Variants in ADAP2 observed in about 807,000 individuals in gnomAD.
The protein encoded by ADAP2 is ArfGAP with dual PH domains 2.
ADAP2 carries 42 observed loss-of-function variants against 54.9 expected under a neutral mutation model. The ratio of observed to expected loss-of-function variants is 0.77; its 90% CI spans 0.60 to 0.99. The LOEUF is 0.99. Among genes scored for constraint, ADAP2 ranks in the 50% least tolerant of loss-of-function variants. ADAP2 has a pLI of 0.00. For missense variants in ADAP2, 429 were observed against 480.4 expected (o/e 0.89, Z 1.00); for synonymous variants, 177 against 180.1 (o/e 0.98, Z 0.14).
intron 10 of ADAP2, 81 bp downstream of exon 10, chr17:30,956,550 G>A: frequency 8.0e-7 from 1 of 1,250,004 alleles, no homozygotes. Flanking sequence ...GTTCAGCTTT[G>A]ATACCACAAA....
intron 9 of ADAP2, among the ~76,000 whole-genome samples, chr17:30,954,777 A>G (rs984071586): frequency 2.0e-5 from 3 of 152,168 alleles, no homozygotes; most frequent in African/African-American, 4.8e-5. Context: ...TGAGTATCCA[A>G]AATGCTGCCC....
At chr17:30,948,409 A>C (rs9894421) in intron 6 of ADAP2, among the ~76,000 whole-genome samples, 2,836 of 81,996 alleles carry the variant, frequency 0.035, 92 homozygotes, top group African/African-American at 0.083. Context: ...CTAAAAATAC[A>C]AAAAAAAAAA....
At chr17:30,932,175 G>A (rs985555420) in intron 4 of ADAP2, among the ~76,000 whole-genome samples, 1 of 151,442 alleles carries the variant, frequency 6.6e-6, no homozygotes. Flanking sequence ...GAGAAGCTCA[G>A]AGCTTCTATG....
chr17:30,923,699 T>A (rs1483518646), intron 2 of ADAP2, among the ~76,000 whole-genome samples: 2 of 137,156 alleles, frequency 1.5e-5, no homozygotes, highest in African/African-American at 5.5e-5. Flanking sequence ...CTTCCTTTTT[T>A]TTTTTTTTTT....
At chr17:30,933,488 C>T (rs1487355719) in intron 4 of ADAP2, among the ~76,000 whole-genome samples, 1 of 151,290 alleles carries the variant, frequency 6.6e-6, no homozygotes, top group Non-Finnish European at 1.5e-5. Flanking sequence ...GCACCCAGCC[C>T]ATAAATTATT....
chr17:30,957,569 A>G (rs748694996), intron 10 of ADAP2, among the ~76,000 whole-genome samples: 7 of 152,050 alleles, frequency 4.6e-5, no homozygotes, highest in Non-Finnish European at 7.4e-5. Context: ...CTGGGACTAC[A>G]GGCTCGTGAC....
chr17:30,928,850 A>T (rs962429707), intron 3 of ADAP2, among the ~76,000 whole-genome samples: 3 of 151,866 alleles, frequency 2.0e-5, no homozygotes, highest in Non-Finnish European at 2.9e-5. Context: ...AGGGACTTAG[A>T]CTCCCCACCA....
At chr17:30,940,600 C>T (rs547806926) in intron 5 of ADAP2, among the ~76,000 whole-genome samples, 8 of 152,166 alleles carry the variant, frequency 5.3e-5, no homozygotes, top group East Asian at 1.9e-4. Flanking sequence ...CCACCATGCC[C>T]GGCCTCCTTT....
chr17:30,943,236 A>G (rs1484847442), intron 5 of ADAP2, among the ~76,000 whole-genome samples: 1 of 152,000 alleles, frequency 6.6e-6, no homozygotes, highest in Non-Finnish European at 1.5e-5. Flanking sequence ...GTGGTGGCGT[A>G]TCCCTGTAAT....
intron 4 of ADAP2, among the ~76,000 whole-genome samples, chr17:30,933,750 G>A (rs879684118): frequency 2.0e-5 from 3 of 152,066 alleles, no homozygotes; most frequent in East Asian, 1.9e-4. Flanking sequence ...TGCCCGCCTC[G>A]GCCTCCCAAA....
chr17:30,949,266 C>G, intron 6 of ADAP2, 21 bp from the exon 7 acceptor site: 1 of 1,604,114 alleles, frequency 6.2e-7, no homozygotes. Flanking sequence ...GTGTGTGTGT[C>G]CTGTGCACTT....
intron 7 of ADAP2, among the ~76,000 whole-genome samples, chr17:30,950,881 C>T (rs1904576587): frequency 6.6e-6 from 1 of 152,188 alleles, no homozygotes; most frequent in South Asian, 2.1e-4. Flanking sequence ...GATGCTCAGC[C>T]TTATTTAATC....
At chr17:30,934,876 A>T (rs1911758005) in intron 5 of ADAP2, among the ~76,000 whole-genome samples, 2 of 152,242 alleles carry the variant, frequency 1.3e-5, no homozygotes, top group South Asian at 4.2e-4. Flanking sequence ...TCTACAAAAA[A>T]TACAAAAATT....
chr17:30,956,632 T>C (rs1000975929), intron 10 of ADAP2, 163 bp downstream of exon 10: 2 of 748,372 alleles, frequency 2.7e-6, no homozygotes, highest in Non-Finnish European at 4.3e-6. Context: ...AGACATGCCA[T>C]TATTGCCAAA....
intron 9 of ADAP2, among the ~76,000 whole-genome samples, chr17:30,955,718 GAAAA>G (rs1196674116): frequency 6.8e-6 from 1 of 147,912 alleles, no homozygotes; most frequent in Non-Finnish European, 1.5e-5. Context: ...AAAAAAGAAA[GAAAA>G]AAAAAGAAAC....
At chr17:30,922,614 G>A (rs1372454439) in intron 1 of ADAP2, among the ~76,000 whole-genome samples, 1 of 151,822 alleles carries the variant, frequency 6.6e-6, no homozygotes, top group Non-Finnish European at 1.5e-5. Flanking sequence ...GGGACGCCGA[G>A]GGCCCCCTAA....
intron 1 of ADAP2, 33 bp downstream of exon 1, chr17:30,922,141 C>T: frequency 4.1e-6 from 5 of 1,219,946 alleles, no homozygotes; most frequent in Non-Finnish European, 5.1e-6. Flanking sequence ...AGCGCGAGAC[C>T]CCCGGCCGGA....
At chr17:30,938,091 G>T (rs1394153668) in intron 5 of ADAP2, among the ~76,000 whole-genome samples, 2 of 152,206 alleles carry the variant, frequency 1.3e-5, no homozygotes, top group Admixed American at 1.3e-4. Flanking sequence ...GTTATGTGTT[G>T]CTGAGTAACA....
In ADAP2 at chr17:30,944,930, C is replaced by T. The variant is rs756898179; in HGVS notation, c.534C>T (p.Ile178=). ...AGGGTAAAAGCCCCAAAGCTGTCATCAGCATTAAGGACTTGAATGCCACCT... is the reference window on the plus strand; with the variant it reads ...AGGGTAAAAGCCCCAAAGCTGTCATTAGCATTAAGGACTTGAATGCCACCT... ...KEQGKSPKAV[I]SIKDLNATFQ... Residue 178 remains isoleucine, a synonymous_variant, in exon 6 of 11, where the codon ATC becomes ATT. Coordinates refer to ENST00000330889, the MANE Select transcript of ADAP2 (RefSeq NM_018404.3). 1 of 1,614,064 alleles carries T rather than the reference C, an allele frequency of 6.2e-7. No homozygotes were observed. The highest frequency in any genetic ancestry group is 1.1e-5 in the South Asian group (1 of 91,064).
Sources: gnomAD v4.1 joint callset for allele counts (sites outside exome capture counted in the v4.1 genomes callset) on GRCh38, gnomAD v4.1.1 for gene constraint, MANE v1.5 for transcripts, NCBI Gene and HGNC (gene_info 2026-07-23, HGNC 2026-07-21) for gene names.